DLGAP2: variants seen among roughly 807,000 people sequenced by gnomAD.
DLGAP2 encodes the protein disks large-associated protein 2.
A neutral mutation model predicts 100.3 loss-of-function variants in DLGAP2; 26 were observed. That is an observed-to-expected ratio of 0.26 (90% CI 0.19 to 0.36). DLGAP2 has a LOEUF of 0.36. DLGAP2 is among the 10% of genes least tolerant of loss of function. DLGAP2 has a pLI of 1.00. For synonymous variants in DLGAP2, 886 were observed against 630.1 expected (o/e 1.41, Z -6.08); for missense variants, 1,858 against 1,453.2 (o/e 1.28, Z -4.53).
At chr8:1,109,328 T>C (rs1490938875) in intron 2 of DLGAP2, among the ~76,000 whole-genome samples, 1 of 668 alleles carries the variant, frequency 1.5e-3, no homozygotes. Flanking sequence ...GAGGTGTGCA[T>C]GGGTCTGTGA....
intron 3 of DLGAP2, among the ~76,000 whole-genome samples, chr8:1,319,666 C>T (rs1028561016): frequency 6.6e-5 from 10 of 152,108 alleles, no homozygotes; most frequent in Non-Finnish European, 1.5e-4. Flanking sequence ...GGGCTCATGT[C>T]AGTTAAGGGA....
chr8:1,416,524 G>T (rs915942903), intron 3 of DLGAP2, among the ~76,000 whole-genome samples: 12 of 152,120 alleles, frequency 7.9e-5, no homozygotes, highest in African/African-American at 2.4e-4. Flanking sequence ...TTCTAGCCCC[G>T]CTGAATGAAC....
rs74616176 is a variant in DLGAP2, at chr8:1,374,041, G to T, written c.106+115158G>T. ...GGGTGGGGCGTTTGCAGAGGGCTGT[G>T]TGGTGGAGGTTAGGTTAGGTTTGCA... On this transcript the variant is annotated intron_variant, in intron 3 of 14. Coordinates refer to ENST00000637795, the MANE Select transcript of DLGAP2 (RefSeq NM_001346810.2). 9.7e-3 allele frequency among the ~76,000 whole-genome samples: 1,481 copies of T among 152,004 alleles called. 19 individuals carry two copies. The highest frequency in any genetic ancestry group is 0.015 in the Non-Finnish European group (1,011 of 67,890).
At chr8:1,112,531 C>T (rs144551551) in intron 2 of DLGAP2, among the ~76,000 whole-genome samples, 68 of 152,170 alleles carry the variant, frequency 4.5e-4, no homozygotes, top group African/African-American at 1.1e-3. Flanking sequence ...TGAGCCACCG[C>T]GCCCGGGCGT....
At chr8:1,681,566 G>A (rs1450630389) in intron 12 of DLGAP2, among the ~76,000 whole-genome samples, 1 of 152,120 alleles carries the variant, frequency 6.6e-6, no homozygotes, top group Non-Finnish European at 1.5e-5. Context: ...GCTAAGGTGG[G>A]AGGATTGCCT....
At chr8:1,360,866 G>T (rs1801967946) in intron 3 of DLGAP2, among the ~76,000 whole-genome samples, 1 of 152,248 alleles carries the variant, frequency 6.6e-6, no homozygotes, top group South Asian at 2.1e-4. Flanking sequence ...GATCCAGACA[G>T]AGACCCGGGA....
intron 2 of DLGAP2, among the ~76,000 whole-genome samples, chr8:1,243,750 C>T (rs56307348): frequency 0.2 from 30,603 of 152,034 alleles, 3,772 homozygotes; most frequent in African/African-American, 0.34. Context: ...CAGAGCATCT[C>T]GCCTCTGCTG....
In DLGAP2 at chr8:1,469,339, G is replaced by A. The variant is rs535024520; in HGVS notation, c.107-32027G>A. Among the ~76,000 whole-genome samples, 6 of 152,360 alleles carry A rather than the reference G, an allele frequency of 3.9e-5. No individual in the cohort carries two copies. The East Asian group carries it at 7.7e-4, about 20-fold the overall frequency. The stretch of plus-strand genomic sequence containing the variant: ...GCTCCCTGCCCAGCAGGCCCCGTAC[G>A]AGAGCGAAGCGGGCTTTATTCTGGC... On this transcript the variant is annotated intron_variant, in intron 3 of 14. Transcript: ENST00000637795.
At chr8:1,638,382 C>T (rs374990501) in intron 8 of DLGAP2, among the ~76,000 whole-genome samples, 16 of 152,168 alleles carry the variant, frequency 1.1e-4, no homozygotes, top group Middle Eastern at 3.4e-3. Context: ...GGGGAGAAGA[C>T]GGCATGTGCA....
rs184062044 is a variant in DLGAP2 at position 1,561,368 on chromosome 8, A to C, written c.1231-4315A>C. ...TCTTTGAACACGTGCAGACCTGGGC[A>C]CAAGGCACCAGGTCATAAAGGCTTT... On this transcript the variant is annotated intron_variant, in intron 5 of 14. Coordinates refer to ENST00000637795, the MANE Select transcript of DLGAP2 (RefSeq NM_001346810.2). 1.2e-3 allele frequency among the ~76,000 whole-genome samples: 177 copies of C among 152,250 alleles called. 1 individual carries two copies. The South Asian group carries it at 0.015, about 13-fold the overall frequency.
intron 3 of DLGAP2, among the ~76,000 whole-genome samples, chr8:1,412,993 A>G (rs1435638366): frequency 6.6e-6 from 1 of 151,936 alleles, no homozygotes; most frequent in Non-Finnish European, 1.5e-5. Flanking sequence ...CTTCCTGACC[A>G]CAGTGTGGGA....
chr8:1,708,318 C>T lies in DLGAP2; in HGVS notation c.*6912C>T, dbSNP rs1347745197. On this transcript the variant is annotated 3_prime_UTR_variant, in exon 15 of 15. Transcript: ENST00000637795. ...AAGAGTTTTATCCGAAAAAAAATTA[C>T]ACTCTTCCTCCATTATATATTTCAT... is the stretch of plus-strand genomic sequence containing the variant. 1.3e-5 allele frequency: 2 copies of T among 152,110 alleles called. No homozygotes were observed. The highest frequency in any genetic ancestry group is 2.9e-5 in the Non-Finnish European group (2 of 68,028). The allele number at this position is 152,110 out of a possible 1,614,324, so 9.4% of individuals were successfully genotyped here.
At chr8:1,506,462 A>C (rs1359580426) in intron 4 of DLGAP2, among the ~76,000 whole-genome samples, 1 of 152,162 alleles carries the variant, frequency 6.6e-6, no homozygotes, top group Non-Finnish European at 1.5e-5. Context: ...TTGTGGTCTC[A>C]ATGGCCTCAG....
chr8:1,103,483 G>A (rs1804655834), intron 2 of DLGAP2, among the ~76,000 whole-genome samples: 1 of 139,716 alleles, frequency 7.2e-6, no homozygotes, highest in African/African-American at 3.0e-5. Context: ...TGACTGGCGG[G>A]GCCTTGGTTG....
chr8:1,297,046 T>TGGCACAGAGCAGGTTCCC (rs1230431258), intron 3 of DLGAP2: 3 of 152,322 alleles, frequency 2.0e-5, no homozygotes, highest in Non-Finnish European at 2.9e-5. Context: ...AGATTGTGCC[T>TGGCACAGAGCAGGTTCCC]GGCACAGAGC....
chr8:812,151 G>T (rs1375878979), intron 1 of DLGAP2, among the ~76,000 whole-genome samples: 1 of 152,208 alleles, frequency 6.6e-6, no homozygotes, highest in Non-Finnish European at 1.5e-5. Context: ...TTGCACAATT[G>T]CAGGGGCTGG....
rs1047255918 is a variant in DLGAP2, at chr8:1,701,211, A to G, written c.2973A>G (p.Pro991=). ...ERKEERKVPP[P]IPKKPPKGKF... ...AGGAAGAAAGAAAGGTCCCGCCTCC[A>G]ATACCAAAGAAGCCTCCCAAGGGGA... Residue 991 remains proline, a synonymous_variant, in exon 15 of 15, where the codon CCA becomes CCG. Coordinates refer to ENST00000637795, the MANE Select transcript of DLGAP2 (RefSeq NM_001346810.2). The G allele has an allele frequency of 1.3e-6, 2 of 1,570,118 alleles. No individual in the cohort carries two copies. Among genetic ancestry groups the G allele is most frequent in the African/African-American group, 2.7e-5 (2 of 73,458 alleles).
chr8:926,130 C>T (rs961612014), intron 2 of DLGAP2, among the ~76,000 whole-genome samples: 56 of 152,132 alleles, frequency 3.7e-4, no homozygotes, highest in African/African-American at 1.3e-3. Context: ...CTGGGCTGGC[C>T]GGTTCCTGGG....
At chr8:1,061,793 G>C (rs1803091739) in intron 2 of DLGAP2, among the ~76,000 whole-genome samples, 1 of 151,978 alleles carries the variant, frequency 6.6e-6, no homozygotes, top group Non-Finnish European at 1.5e-5. Flanking sequence ...TTCCGTGGAG[G>C]GCTTTCCTCC....
Sources: gnomAD v4.1 joint callset for allele counts (sites outside exome capture counted in the v4.1 genomes callset) on GRCh38, gnomAD v4.1.1 for gene constraint, MANE v1.5 for transcripts, NCBI Gene and HGNC (gene_info 2026-07-23, HGNC 2026-07-21) for gene names.